DSE: variants seen among roughly 807,000 people sequenced by gnomAD.
DSE encodes dermatan-sulfate epimerase.
In DSE, 36 loss-of-function variants were observed where a neutral mutation model predicts 84.4. The observed-to-expected ratio is 0.43, with a 90% confidence interval of 0.33 to 0.56. The LOEUF (loss-of-function observed/expected upper bound fraction) is 0.56, where lower values mean the gene tolerates loss of function less well. Among genes scored for constraint, DSE ranks in the 20% least tolerant of loss-of-function variants. The pLI is 0.06. For synonymous variants in DSE, 410 were observed against 430.1 expected (o/e 0.95, Z 0.58); for missense variants, 862 against 1,169.6 (o/e 0.74, Z 3.84).
At chr6:116,300,463 A>G (rs942392956) in intron 2 of DSE, among the ~76,000 whole-genome samples, 2 of 152,200 alleles carry the variant, frequency 1.3e-5, no homozygotes, top group African/African-American at 4.8e-5. Flanking sequence ...ATAAAATTCC[A>G]CAGTATTGAA....
chr6:116,333,205 A>AT (rs1777053746), intron 2 of DSE, among the ~76,000 whole-genome samples: 1 of 152,184 alleles, frequency 6.6e-6, no homozygotes, highest in Non-Finnish European at 1.5e-5. Flanking sequence ...GTCTTAGTCC[A>AT]TTTTCTGCTG....
At chr6:116,402,953 T>C (rs1214630627) in intron 2 of DSE, among the ~76,000 whole-genome samples, 1 of 152,236 alleles carries the variant, frequency 6.6e-6, no homozygotes, top group Non-Finnish European at 1.5e-5. Context: ...TTCACCTCTA[T>C]AGATTCACTT....
intron 1 of DSE, among the ~76,000 whole-genome samples, chr6:116,371,334 C>CGGAA (rs1779550787): frequency 1.3e-5 from 2 of 152,224 alleles, no homozygotes; most frequent in Admixed American, 6.5e-5. Context: ...GAGCCACGGG[C>CGGAA]TTCCCCGGCG....
At chr6:116,406,469 G>A (rs993955089) in intron 2 of DSE, among the ~76,000 whole-genome samples, 3 of 152,200 alleles carry the variant, frequency 2.0e-5, no homozygotes, top group East Asian at 1.9e-4. Context: ...GGCAAGTGCC[G>A]CATGTATGTC....
intron 2 of DSE, chr6:116,288,202 C>A (rs1458904221): frequency 6.6e-6 from 1 of 151,900 alleles, no homozygotes; most frequent in Non-Finnish European, 1.5e-5. Flanking sequence ...ACAATTTCCT[C>A]ATAGGTAAAA....
rs1295122719 is a variant in DSE, at chr6:116,316,823, C to CTATTATTAT, written c.-54+57858_-54+57859insTTATTATTA. 1.1e-3 allele frequency among the ~76,000 whole-genome samples: 97 copies of CTATTATTAT among 88,340 alleles called. No homozygotes were observed. The South Asian group carries it at 0.048, about 44-fold the overall frequency. The allele number at this position is 88,340 out of a possible 152,430, so 58.0% of individuals were successfully genotyped here. A position where few individuals can be genotyped will look rare whatever the true frequency, so the allele number is the denominator to read the frequency against. On this transcript the variant is annotated intron_variant, in intron 2 of 3. Coordinates refer to the DSE transcript ENST00000430252. ...ATTTCTTCTTCTACTACTACTACTA[C>CTATTATTAT]TACTATTATTATTATTATTATTATT...
chr6:116,275,494 A>G (rs949552428), intron 2 of DSE, among the ~76,000 whole-genome samples: 1 of 152,160 alleles, frequency 6.6e-6, no homozygotes, highest in Admixed American at 6.5e-5. Flanking sequence ...TCTGCTGACA[A>G]CTATGCAAAA....
chr6:116,273,687 C>T (rs1014583772), intron 2 of DSE, among the ~76,000 whole-genome samples: 4 of 152,062 alleles, frequency 2.6e-5, no homozygotes, highest in African/African-American at 7.2e-5. Context: ...ATTCAAGGAA[C>T]GGTACCCCCC....
chr6:116,303,008 T>A (rs1007311901), intron 2 of DSE, among the ~76,000 whole-genome samples: 1 of 152,224 alleles, frequency 6.6e-6, no homozygotes, highest in Non-Finnish European at 1.5e-5. Context: ...TATATATATC[T>A]GTTTTGGTAC....
At chr6:116,278,751 C>T (rs1562197554) in intron 2 of DSE, 2 of 1,614,098 alleles carry the variant, frequency 1.2e-6, no homozygotes, top group African/African-American at 2.7e-5. Flanking sequence ...GGGGTTCATG[C>T]CCCCTGCGCC....
At chr6:116,294,747 C>G (rs1774549238) in intron 2 of DSE, among the ~76,000 whole-genome samples, 1 of 152,192 alleles carries the variant, frequency 6.6e-6, no homozygotes, top group Non-Finnish European at 1.5e-5. Context: ...CATCTAGTCT[C>G]TGGTCCCATC....
intron 2 of DSE, among the ~76,000 whole-genome samples, chr6:116,301,658 T>G (rs1459401294): frequency 6.6e-6 from 1 of 152,192 alleles, no homozygotes; most frequent in Admixed American, 6.5e-5. Context: ...TTTAATACTT[T>G]AAGTTCTGGG....
At chr6:116,415,083 G>C (rs1782613431) in intron 2 of DSE, among the ~76,000 whole-genome samples, 1 of 152,094 alleles carries the variant, frequency 6.6e-6, no homozygotes, top group Non-Finnish European at 1.5e-5. Flanking sequence ...TCTTCTTTTT[G>C]ATATACATCC....
upstream of DSE, among the ~76,000 whole-genome samples, chr6:116,367,470 G>T (rs1779230207): frequency 6.6e-6 from 1 of 152,162 alleles, no homozygotes; most frequent in African/African-American, 2.4e-5. Flanking sequence ...GAGGAGAACA[G>T]AAGCCGCATA....
intron 2 of DSE, among the ~76,000 whole-genome samples, chr6:116,318,363 A>G (rs6927341): frequency 0.32 from 48,672 of 151,946 alleles, 8,408 homozygotes; most frequent in East Asian, 0.65. Context: ...AAAATTAACC[A>G]GGCATAGTGG....
In DSE at chr6:116,436,958, A is replaced by G. The variant is rs1314092086; in HGVS notation, c.2490A>G (p.Glu830=). 2 of 1,613,950 alleles carry G rather than the reference A, an allele frequency of 1.2e-6. No individual in the cohort carries two copies. The highest frequency in any genetic ancestry group is 3.3e-5 in the Admixed American group (2 of 59,968). The change falls in exon 6 of 6, where the codon GAA becomes GAG. Residue 830 remains glutamate (E), a synonymous_variant. Transcript: ENST00000644252. ...DAVPDIFAQI[E]VNEKKIRQKA... Reference sequence around the variant, plus strand: ...TCCCTGATATTTTTGCACAGATTGAAGTCAATGAGAAAAAGATTAGACAGA... The same window carrying G: ...TCCCTGATATTTTTGCACAGATTGAGGTCAATGAGAAAAAGATTAGACAGA...
At chr6:116,280,222 C>G (rs1371384982) in intron 2 of DSE, 1 of 303,950 alleles carries the variant, frequency 3.3e-6, no homozygotes, top group African/African-American at 2.2e-5. Flanking sequence ...TGTCTGAAAA[C>G]AAATGTTTTT....
intron 2 of DSE, among the ~76,000 whole-genome samples, chr6:116,293,538 A>C (rs912568669): frequency 7.9e-5 from 12 of 152,174 alleles, no homozygotes; most frequent in African/African-American, 2.2e-4. Flanking sequence ...GATTTAAAAT[A>C]GCTGAAATTC....
chr6:116,267,307 T>C (rs1772667816), intron 2 of DSE, among the ~76,000 whole-genome samples: 1 of 152,230 alleles, frequency 6.6e-6, no homozygotes, highest in African/African-American at 2.4e-5. Context: ...CAGTATGTGT[T>C]ACTGCCTCTG....
Sources: gnomAD v4.1 joint callset for allele counts (sites outside exome capture counted in the v4.1 genomes callset) on GRCh38, gnomAD v4.1.1 for gene constraint, MANE v1.5 for transcripts, NCBI Gene and HGNC (gene_info 2026-07-23, HGNC 2026-07-21) for gene names.